Variants in SND1 observed in about 807,000 individuals in gnomAD.
The protein encoded by SND1 is staphylococcal nuclease domain-containing protein 1.
SND1 carries 38 observed loss-of-function variants against 121.7 expected under a neutral mutation model. That is an observed-to-expected ratio of 0.31 (90% CI 0.24 to 0.41). The LOEUF is 0.41. SND1 is among the 10% of genes least tolerant of loss of function. SND1 has a pLI of 1.00. For synonymous variants in SND1, 401 were observed against 447.4 expected, an observed-to-expected ratio of 0.90 and a Z score of 1.31; for missense variants, 868 against 1,184.6, an observed-to-expected ratio of 0.73 and a Z score of 3.92.
Position 127,929,275 on chromosome 7 carries a change from C to T in SND1, c.1615C>T (p.Arg539Cys), listed in dbSNP as rs1414955479. The T allele has an allele frequency of 3.7e-6, 6 of 1,614,048 alleles. No homozygotes were observed. Among genetic ancestry groups the T allele is most frequent in the South Asian group, 1.1e-5 (1 of 91,086 alleles). The part of the protein sequence containing the change: ...AVVEYVFSGS[R>C]LKLYLPKETC... ...GGTGGAATACGTCTTCAGTGGTTCT[C>T]GTCTCAAACTCTATTTGCCAAAGGA... is the stretch of plus-strand genomic sequence containing the variant. The change falls in exon 15 of 24, where the codon CGT becomes TGT. Residue 539 changes from arginine to cysteine, a missense_variant. Around this residue, in one of 2 missense-constraint regions of SND1, gnomAD observed 743 missense variants for 1,071.3 expected, o/e 0.69. Coordinates refer to ENST00000354725, the MANE Select transcript of SND1 (RefSeq NM_014390.4).
At chr7:127,996,634 A>G (rs907283115) in intron 16 of SND1, among the ~76,000 whole-genome samples, 4 of 151,654 alleles carry the variant, frequency 2.6e-5, no homozygotes, top group East Asian at 1.9e-4. Context: ...AGTGCAACCT[A>G]CTCTCCTGAC....
chr7:127,855,329 C>T (rs1347500331), intron 12 of SND1, among the ~76,000 whole-genome samples: 1 of 152,044 alleles, frequency 6.6e-6, no homozygotes, highest in East Asian at 1.9e-4. Context: ...TCAGGCTGGT[C>T]TCGAACTCCT....
chr7:127,672,374 A>G lies in SND1; in HGVS notation c.79-14239A>G, dbSNP rs530525138. ...TCCTAGCACTTAGGGAGGCTGAGGC[A>G]GGAGGCAGGCAGATTACTTGAGGTC... On this transcript the variant is annotated intron_variant, in intron 1 of 23. Transcript: ENST00000354725. Among the ~76,000 whole-genome samples the G allele has an allele frequency of 2.6e-5, 4 of 152,184 alleles. No homozygotes were observed. The East Asian group carries it at 7.7e-4, about 29-fold the overall frequency.
rs1411037978 is a variant in SND1 at position 127,888,004 on chromosome 7, A to C, written c.1446A>C (p.Ala482=). ...RSSHYDELLA[A]EARAIKNGKG... ...CACACTACGATGAACTGCTTGCTGC[A>C]GAGGCCAGGTAAGACCAAACATTAC... is the stretch of plus-strand genomic sequence containing the variant. The change falls in exon 13 of 24, where the codon GCA becomes GCC. Residue 482 remains alanine, a synonymous_variant. Transcript: ENST00000354725. 5.6e-6 allele frequency: 9 copies of C among 1,610,714 alleles called. No individual in the cohort carries two copies. Among genetic ancestry groups the C allele is most frequent in the Non-Finnish European group, 6.8e-6 (8 of 1,177,626 alleles).
At chr7:128,001,148 T>C (rs543709680) in intron 16 of SND1, among the ~76,000 whole-genome samples, 2 of 152,338 alleles carry the variant, frequency 1.3e-5, no homozygotes, top group East Asian at 3.9e-4. Context: ...AAGTGACCAA[T>C]GGTCTGTTAT....
At chr7:128,091,288 G>A (rs1793775303) in intron 22 of SND1, among the ~76,000 whole-genome samples, 2 of 152,130 alleles carry the variant, frequency 1.3e-5, no homozygotes, top group South Asian at 2.1e-4. Context: ...CCGGAATCAC[G>A]ACTCACTGCA....
chr7:127,690,916 A>G (rs1174217267), intron 2 of SND1, among the ~76,000 whole-genome samples: 2 of 152,192 alleles, frequency 1.3e-5, no homozygotes, highest in Non-Finnish European at 1.5e-5. Flanking sequence ...ATCGTCTTTC[A>G]AAGAAACTCA....
intron 10 of SND1, among the ~76,000 whole-genome samples, chr7:127,788,002 G>A (rs1797841741): frequency 6.6e-6 from 1 of 152,158 alleles, no homozygotes; most frequent in African/African-American, 2.4e-5. Flanking sequence ...ATTCTCACTA[G>A]TAGGCGAAAC....
At chr7:127,882,353 GGGAAGGAAGGCAGGCA>G (rs1799807168) in intron 12 of SND1, among the ~76,000 whole-genome samples, 1 of 143,780 alleles carries the variant, frequency 7.0e-6, no homozygotes, top group Non-Finnish European at 1.5e-5. Flanking sequence ...CCCATAGGAG[GGGAAGGAAGGCAGGCA>G]GGAAGGGAGG....
chr7:128,043,229 GT>G (rs926714286), intron 16 of SND1, among the ~76,000 whole-genome samples: 5 of 152,040 alleles, frequency 3.3e-5, no homozygotes, highest in African/African-American at 1.2e-4. Context: ...GTGATGCTGG[GT>G]TTTTTTAATA....
intron 15 of SND1, among the ~76,000 whole-genome samples, chr7:127,969,124 A>G (rs559668195): frequency 6.6e-6 from 1 of 152,152 alleles, no homozygotes; most frequent in Non-Finnish European, 1.5e-5. Flanking sequence ...GACACTGGCA[A>G]CACAGTGGAA....
chr7:128,014,869 C>T (rs886207824), intron 16 of SND1, among the ~76,000 whole-genome samples: 13 of 152,348 alleles, frequency 8.5e-5, no homozygotes, highest in African/African-American at 2.4e-4. Context: ...CCAAGCATCA[C>T]ATCCCACCCA....
At chr7:128,005,802 T>A (rs1374364611) in intron 16 of SND1, among the ~76,000 whole-genome samples, 1 of 152,116 alleles carries the variant, frequency 6.6e-6, no homozygotes, top group Non-Finnish European at 1.5e-5. Context: ...TTTGAGGAGC[T>A]CCCCACCTGT....
chr7:127,793,303 G>A (rs533917946), intron 10 of SND1, among the ~76,000 whole-genome samples: 1 of 152,328 alleles, frequency 6.6e-6, no homozygotes, highest in Non-Finnish European at 1.5e-5. Flanking sequence ...TCTGACATAT[G>A]TGATATCGGG....
rs1797884766 is a variant in SND1, at chr7:127,790,294, G to C, written c.1153-17190G>C. ...GAGGAGGGAGTGGTGCTGTGTGGGGGATGCTTAGGCTCCCTGGCTTCCCTT... is the reference window on the plus strand; with the variant it reads ...GAGGAGGGAGTGGTGCTGTGTGGGGCATGCTTAGGCTCCCTGGCTTCCCTT... On this transcript the variant is annotated intron_variant, in intron 10 of 23. Coordinates refer to ENST00000354725, the MANE Select transcript of SND1 (RefSeq NM_014390.4). 4.6e-5 allele frequency among the ~76,000 whole-genome samples: 7 copies of C among 152,302 alleles called. No individual in the cohort carries two copies. The South Asian group carries it at 1.2e-3, about 27-fold the overall frequency.
intron 15 of SND1, among the ~76,000 whole-genome samples, chr7:127,973,521 G>A (rs942812174): frequency 5.3e-5 from 8 of 152,168 alleles, no homozygotes; most frequent in Non-Finnish European, 1.0e-4. Flanking sequence ...GCCAAGCCAA[G>A]GGCAGAGGAG....
At chr7:127,783,200 G>A (rs551006985) in intron 10 of SND1, among the ~76,000 whole-genome samples, 13 of 152,324 alleles carry the variant, frequency 8.5e-5, no homozygotes, top group East Asian at 7.7e-4. Flanking sequence ...TTCAACAGAC[G>A]TTGAACCAGA....
chr7:127,958,922 G>C (rs1801662247), intron 15 of SND1, among the ~76,000 whole-genome samples: 1 of 152,164 alleles, frequency 6.6e-6, no homozygotes, highest in Non-Finnish European at 1.5e-5. Context: ...GGGATGATGA[G>C]AGCATGCAGC....
chr7:127,732,458 C>CT (rs1796696888), intron 10 of SND1, among the ~76,000 whole-genome samples: 1 of 152,182 alleles, frequency 6.6e-6, no homozygotes, highest in African/African-American at 2.4e-5. Context: ...ATGCCCTTGT[C>CT]TTGTGTTGTT....
Sources: gnomAD v4.1 joint callset for allele counts (sites outside exome capture counted in the v4.1 genomes callset) on GRCh38, gnomAD v4.1.1 for gene constraint, gnomAD v4.1.1 regional missense constraint, MANE v1.5 for transcripts, NCBI Gene and HGNC (gene_info 2026-07-23, HGNC 2026-07-21) for gene names.